The following COL27A1 variants were observed in gnomAD, a reference collection of about 807,000 sequenced individuals.
COL27A1 encodes the protein collagen alpha-1(XXVII) chain.
COL27A1 carries 106 observed loss-of-function variants against 251.3 expected under a neutral mutation model. That is an observed-to-expected ratio of 0.42 (90% CI 0.36 to 0.50). The LOEUF (loss-of-function observed/expected upper bound fraction) is 0.50. Ranked by LOEUF, COL27A1 falls within the 20% of genes least tolerant of loss-of-function variation. COL27A1 has a pLI of 0.00. For missense variants in COL27A1, 2,325 were observed against 2,522.8 expected (o/e 0.92, Z 1.68); for synonymous variants, 1,000 against 986.3 (o/e 1.01, Z -0.26).
intron 37 of COL27A1, among the ~76,000 whole-genome samples, chr9:114,276,634 A>G (rs1307858634): frequency 1.3e-5 from 2 of 152,140 alleles, no homozygotes; most frequent in African/African-American, 4.8e-5. Context: ...AACAACAACA[A>G]AACCAGTACC....
At chr9:114,265,163 G>C in intron 31 of COL27A1, 53 bp downstream of exon 31, 1 of 526,092 alleles carries the variant, frequency 1.9e-6, no homozygotes, top group Non-Finnish European at 3.7e-6. Flanking sequence ...GATGGGGGTG[G>C]GGGGCGGGTG....
Position 114,237,372 on chromosome 9 carries a change from C to A in COL27A1, c.2674-290C>A, listed in dbSNP as rs569593244. 7.2e-5 allele frequency among the ~76,000 whole-genome samples: 11 copies of A among 152,348 alleles called. No homozygotes were observed. In the South Asian group the frequency reaches 8.3e-4, roughly 11 times the overall value. ...CACTGTGCATCCGACCCTTTCTGAACTGTTTCTTTGAAGGCTGCCAACTAC... is the reference window on the plus strand; with the variant it reads ...CACTGTGCATCCGACCCTTTCTGAAATGTTTCTTTGAAGGCTGCCAACTAC... On this transcript the variant is annotated intron_variant, in intron 18 of 60. Coordinates refer to ENST00000356083, the MANE Select transcript of COL27A1 (RefSeq NM_032888.4).
rs139330382 is a variant in COL27A1, at chr9:114,192,657, C to G, written c.2017-1747C>G. Among the ~76,000 whole-genome samples the G allele has an allele frequency of 4.0e-3, 614 of 152,206 alleles. 6 individuals carry two copies. Among genetic ancestry groups the G allele is most frequent in the African/African-American group, 0.014 (597 of 41,516 alleles). On this transcript the variant is annotated intron_variant, in intron 5 of 60. Coordinates refer to ENST00000356083, the MANE Select transcript of COL27A1 (RefSeq NM_032888.4). ...CTCTTCCCTGCCAGGGAAGGCCAGC[C>G]CAGGCTGGGACTTGGCCTTCTCTGA...
chr9:114,204,964 A>C, intron 7 of COL27A1, 138 bp from the exon 8 acceptor site: 2 of 681,986 alleles, frequency 2.9e-6, no homozygotes, highest in Non-Finnish European at 5.1e-6. Context: ...CATCTGGGGA[A>C]CCTTTACTGA....
intron 2 of COL27A1, among the ~76,000 whole-genome samples, chr9:114,164,641 G>A (rs1289160176): frequency 6.6e-6 from 1 of 152,202 alleles, no homozygotes; most frequent in Non-Finnish European, 1.5e-5. Context: ...ACTAAAGGAA[G>A]GACCAAGTGG....
Position 114,290,001 on chromosome 9 carries a change from C to T in COL27A1, c.4207-57C>T, listed in dbSNP as rs1240707874. ...CCTCTCAGTCCCTCCTTCCAGAGCC[C>T]CTAGGGTCCCACACCTCTACCAGGC... On this transcript the variant is annotated intron_variant, in intron 45 of 60. Transcript: ENST00000356083. The surrounding 1 kb of genome is among the most constrained non-coding windows in gnomAD (Gnocchi z 4.6). The T allele has an allele frequency of 1.8e-5, 28 of 1,584,890 alleles. No homozygotes were observed. The highest frequency in any genetic ancestry group is 6.7e-5 in the Admixed American group (4 of 59,936).
intron 14 of COL27A1, among the ~76,000 whole-genome samples, chr9:114,227,035 G>A (rs569955937): frequency 3.4e-4 from 52 of 152,334 alleles, no homozygotes; most frequent in South Asian, 1.7e-3. Context: ...TGCCAGTGGC[G>A]GGCATGGCAC....
intron 56 of COL27A1, among the ~76,000 whole-genome samples, chr9:114,303,119 C>G (rs185946433): frequency 6.6e-6 from 1 of 152,202 alleles, no homozygotes; most frequent in African/African-American, 2.4e-5. Context: ...GTGAAAAGAT[C>G]CAGGAAAAAC....
chr9:114,205,205 G>C, intron 8 of COL27A1, 59 bp downstream of exon 8: 2 of 1,500,196 alleles, frequency 1.3e-6, no homozygotes, highest in Non-Finnish European at 1.8e-6. Context: ...GCCCCTACCT[G>C]TCTCTGGCCC....
intron 12 of COL27A1, among the ~76,000 whole-genome samples, chr9:114,215,198 G>A (rs1163525101): frequency 1.3e-5 from 2 of 152,252 alleles, no homozygotes; most frequent in African/African-American, 2.4e-5. Flanking sequence ...GCCCAAGGCC[G>A]CGCAGTCCTC....
chr9:114,311,142 T>C lies in COL27A1; in HGVS notation c.*447T>C, dbSNP rs911691726. 7 of 153,506 alleles carry C rather than the reference T, an allele frequency of 4.6e-5. No homozygotes were observed. The highest frequency in any genetic ancestry group is 1.3e-4 in the Admixed American group (2 of 15,440). 9.5% of individuals were successfully genotyped at this position (153,506 alleles called of 1,614,324 possible). A position where few individuals can be genotyped will look rare whatever the true frequency, so the allele number is the denominator to read the frequency against. On this transcript the variant is annotated 3_prime_UTR_variant, in exon 61 of 61. Transcript: ENST00000356083. ...GGAGAAAAGGAAAGACAGAAGTGTA[T>C]ATATATATTATTTAAACAAACAAAA...
At chr9:114,173,450 TGAG>T (rs1191702364) in intron 3 of COL27A1, among the ~76,000 whole-genome samples, 1 of 152,244 alleles carries the variant, frequency 6.6e-6, no homozygotes, top group Non-Finnish European at 1.5e-5. Flanking sequence ...GCCAGGGAGA[TGAG>T]GAGGCCATGT....
At chr9:114,258,482 C>G (rs1291110162) in intron 27 of COL27A1, 59 bp from the exon 28 acceptor site, 1 of 1,525,674 alleles carries the variant, frequency 6.6e-7, no homozygotes, top group Admixed American at 1.9e-5. Context: ...CTCCCAGCCC[C>G]CCGTGTTGCT....
chr9:114,163,978 C>T (rs986168962), intron 2 of COL27A1, among the ~76,000 whole-genome samples: 3 of 152,112 alleles, frequency 2.0e-5, no homozygotes, highest in Non-Finnish European at 4.4e-5. Context: ...TTCCCCTGTC[C>T]CCCATCTCTT....
At position 114,304,626 on chromosome 9, in the gene COL27A1, G is replaced by A; in HGVS notation, c.4891G>A (p.Ala1631Thr). ...TGCCCAGCAACAAGATGATCTTGGG[G>A]CAGCTTTCCAGACGTGGATGGACAC... is the stretch of plus-strand genomic sequence containing the variant. ...PIQLQQDDLGAAFQTWMDTSG... is the reference protein window; with the variant it reads ...PIQLQQDDLGTAFQTWMDTSG... Residue 1631 changes from alanine to threonine, a missense_variant, in exon 57 of 61, where the codon GCA becomes ACA. By Grantham distance (58) the Ala-to-Thr change is moderately conservative. This residue lies in a region of COL27A1 where 327 missense variants were observed against 442.8 expected (regional missense o/e 0.74). Coordinates refer to ENST00000356083, the MANE Select transcript of COL27A1 (RefSeq NM_032888.4). 6.2e-7 allele frequency: 1 copy of A among 1,614,174 alleles called. No homozygotes were observed. The highest frequency in any genetic ancestry group is 8.5e-7 in the Non-Finnish European group (1 of 1,180,034).
chr9:114,196,081 G>A (rs41277741), intron 7 of COL27A1, 69 bp downstream of exon 7: 1 of 1,388,394 alleles, frequency 7.2e-7, no homozygotes, highest in African/African-American at 1.4e-5. Flanking sequence ...TCAGGCAGAA[G>A]AGCTGTGGGC....
chr9:114,176,542 G>A (rs964524618), intron 3 of COL27A1, among the ~76,000 whole-genome samples: 1 of 135,990 alleles, frequency 7.4e-6, no homozygotes, highest in South Asian at 2.3e-4. Context: ...TAGGTGGGTG[G>A]GGGGGGGTGC....
chr9:114,225,905 G>T (rs1831438722), intron 14 of COL27A1, among the ~76,000 whole-genome samples: 3 of 151,980 alleles, frequency 2.0e-5, no homozygotes, highest in Non-Finnish European at 4.4e-5. Context: ...GGGCTGGGGA[G>T]GCCTTGCGAA....
chr9:114,219,612 T>A (rs1830940673), intron 12 of COL27A1, among the ~76,000 whole-genome samples, 179 bp from the exon 13 acceptor site: 1 of 152,202 alleles, frequency 6.6e-6, no homozygotes, highest in South Asian at 2.1e-4. Flanking sequence ...GAGAAATTCT[T>A]TATGTTCAGG....
Sources: gnomAD v4.1 joint callset for allele counts (sites outside exome capture counted in the v4.1 genomes callset) on GRCh38, gnomAD v4.1.1 for gene constraint, gnomAD v4.1.1 regional missense constraint, Gnocchi (gnomAD v3.1) non-coding constraint, MANE v1.5 for transcripts, NCBI Gene and HGNC (gene_info 2026-07-23, HGNC 2026-07-21) for gene names.